Variants in PTPRT observed in about 807,000 individuals in gnomAD.
PTPRT encodes protein tyrosine phosphatase receptor type T.
Under a neutral mutation model 176.8 loss-of-function variants are expected in PTPRT, and 56 were observed. That is an observed-to-expected ratio of 0.32 (90% CI 0.26 to 0.40). The LOEUF (loss-of-function observed/expected upper bound fraction) is 0.40, where lower values mean the gene tolerates loss of function less well. Among genes scored for constraint, PTPRT ranks in the 10% least tolerant of loss-of-function variants. The pLI is 1.00. For missense variants in PTPRT, 1,540 were observed against 1,908.2 expected, an observed-to-expected ratio of 0.81 and a Z score of 3.60; for synonymous variants, 783 against 739.0, an observed-to-expected ratio of 1.06 and a Z score of -0.96.
chr20:42,276,746 C>G (rs1453594946), intron 13 of PTPRT, among the ~76,000 whole-genome samples: 2 of 150,984 alleles, frequency 1.3e-5, no homozygotes, highest in Non-Finnish European at 3.0e-5. Flanking sequence ...CTATATAAAA[C>G]AGAATCTTCC....
At chr20:42,657,268 ACT>A (rs1569060683) in intron 7 of PTPRT, among the ~76,000 whole-genome samples, 1 of 152,100 alleles carries the variant, frequency 6.6e-6, no homozygotes, top group Non-Finnish European at 1.5e-5. Flanking sequence ...CAAATTGCCC[ACT>A]GTCTGGTAGT....
chr20:42,821,113 G>A (rs538548274), intron 2 of PTPRT, among the ~76,000 whole-genome samples: 1 of 152,212 alleles, frequency 6.6e-6, no homozygotes, highest in East Asian at 1.9e-4. Flanking sequence ...AACAAAAAAG[G>A]AAAACTTCAG....
At chr20:43,119,129 T>C (rs1218793983) in intron 1 of PTPRT, among the ~76,000 whole-genome samples, 1 of 152,222 alleles carries the variant, frequency 6.6e-6, no homozygotes, top group East Asian at 1.9e-4. Context: ...ATTGGAAATG[T>C]TCGCCATAAT....
intron 7 of PTPRT, among the ~76,000 whole-genome samples, chr20:42,490,330 T>C (rs1169818081): frequency 2.0e-5 from 3 of 152,196 alleles, no homozygotes; most frequent in African/African-American, 4.8e-5. Context: ...GGGGGGATTT[T>C]CACTTGTGTA....
intron 2 of PTPRT, among the ~76,000 whole-genome samples, chr20:42,796,699 TAGG>T (rs1252039806): frequency 6.6e-6 from 1 of 152,200 alleles, no homozygotes; most frequent in African/African-American, 2.4e-5. Context: ...TCACATGACT[TAGG>T]AGAAGTATGT....
chr20:43,000,630 T>TA (rs1341741666), intron 1 of PTPRT, among the ~76,000 whole-genome samples: 5 of 151,992 alleles, frequency 3.3e-5, no homozygotes, highest in African/African-American at 7.3e-5. Flanking sequence ...AATGTAATTA[T>TA]AAAAAAATCA....
intron 13 of PTPRT, among the ~76,000 whole-genome samples, chr20:42,279,963 C>T (rs1251153063): frequency 1.3e-5 from 2 of 151,884 alleles, no homozygotes; most frequent in Non-Finnish European, 2.9e-5. Context: ...GAAGCAGCTG[C>T]CGTGATGACA....
intron 7 of PTPRT, among the ~76,000 whole-genome samples, chr20:42,629,628 G>A (rs1407493797): frequency 6.6e-6 from 1 of 152,172 alleles, no homozygotes; most frequent in South Asian, 2.1e-4. Flanking sequence ...TTCTGGGGGA[G>A]AGGGTTGTCC....
intron 1 of PTPRT, among the ~76,000 whole-genome samples, chr20:42,898,790 C>A (rs941783643): frequency 6.6e-6 from 1 of 152,024 alleles, no homozygotes; most frequent in Non-Finnish European, 1.5e-5. Flanking sequence ...TGCACTGTGA[C>A]CAAGGAGAAA....
chr20:42,458,096 C>T (rs2070954989), intron 8 of PTPRT, among the ~76,000 whole-genome samples: 1 of 152,170 alleles, frequency 6.6e-6, no homozygotes, highest in Non-Finnish European at 1.5e-5. Flanking sequence ...TCCAGGCAGT[C>T]TCAGCCTAGT....
chr20:42,212,791 C>T (rs879735277), intron 15 of PTPRT, among the ~76,000 whole-genome samples: 3 of 152,010 alleles, frequency 2.0e-5, no homozygotes, highest in Admixed American at 6.6e-5. Context: ...ATTTTAAATA[C>T]AAAAAAATCC....
chr20:42,446,299 T>C (rs969827745), intron 9 of PTPRT, among the ~76,000 whole-genome samples: 7 of 152,190 alleles, frequency 4.6e-5, no homozygotes, highest in Non-Finnish European at 1.0e-4. Flanking sequence ...TTTATTCAAT[T>C]TGAAGGATGG....
chr20:42,089,098 CTGAGTGTGTG>C (rs1240890716), intron 27 of PTPRT, among the ~76,000 whole-genome samples: 2 of 150,936 alleles, frequency 1.3e-5, no homozygotes, highest in Admixed American at 6.6e-5. Context: ...GAAAGGAGCT[CTGAGTGTGTG>C]TGAGTGTGTG....
chr20:42,984,812 G>T lies in PTPRT; in HGVS notation c.89-98880C>A, dbSNP rs150249361. Among the ~76,000 whole-genome samples, 1,035 of 152,296 alleles carry T rather than the reference G, an allele frequency of 6.8e-3. 15 individuals are homozygous for T. The highest frequency in any genetic ancestry group is 0.024 in the African/African-American group (1,006 of 41,564). On this transcript the variant is annotated intron_variant, in intron 1 of 30. Transcript: ENST00000373187. ...TCTCCTTGTATGATGCCAGTCATAA[G>T]AACAAAGAGTTCAAGAAAGACTCAA...
chr20:42,501,652 G>T (rs561905072), intron 7 of PTPRT, among the ~76,000 whole-genome samples: 6 of 152,274 alleles, frequency 3.9e-5, no homozygotes, highest in Admixed American at 2.6e-4. Context: ...GAATAGTTGT[G>T]ATAGAAACAG....
At chr20:42,108,953 T>C (rs186222966) in intron 23 of PTPRT, among the ~76,000 whole-genome samples, 137 of 152,346 alleles carry the variant, frequency 9.0e-4, no homozygotes, top group Middle Eastern at 3.4e-3. Flanking sequence ...CTTTCTTTCT[T>C]TCTCCCTAAC....
chr20:43,166,085 G>T (rs1285629780), intron 1 of PTPRT, among the ~76,000 whole-genome samples: 1 of 152,218 alleles, frequency 6.6e-6, no homozygotes, highest in African/African-American at 2.4e-5. Context: ...AGCACTTTGG[G>T]AGGCCAAGGC....
chr20:42,247,051 A>C (rs2056463807), intron 14 of PTPRT, among the ~76,000 whole-genome samples: 1 of 152,192 alleles, frequency 6.6e-6, no homozygotes, highest in Non-Finnish European at 1.5e-5. Context: ...ATGACAATGT[A>C]GTGTTGACCT....
intron 1 of PTPRT, chr20:43,063,554 CCAAA>C (rs764717861): frequency 6.6e-6 from 1 of 152,216 alleles, no homozygotes; most frequent in African/African-American, 2.4e-5. Context: ...GATAGAACCT[CCAAA>C]CAAAGAGCCA....
Sources: allele counts gnomAD v4.1 joint callset (sites outside exome capture counted in the v4.1 genomes callset), GRCh38; gene constraint gnomAD v4.1.1; transcripts MANE v1.5; gene names NCBI Gene and HGNC (gene_info 2026-07-23, HGNC 2026-07-21).